NRXN1: variants seen among roughly 807,000 people sequenced by gnomAD.
NRXN1 encodes neurexin 1, also known as neurexin-1.
A neutral mutation model predicts 150.9 loss-of-function variants in NRXN1; 39 were observed. That is an observed-to-expected ratio of 0.26 (90% confidence interval 0.20 to 0.34). The LOEUF (loss-of-function observed/expected upper bound fraction) is 0.34. NRXN1 is among the 10% of genes least tolerant of loss of function. The pLI, the probability that NRXN1 is intolerant of heterozygous loss-of-function variation, is 1.00. For synonymous variants in NRXN1, 924 were observed against 757.0 expected, an observed-to-expected ratio of 1.22 and a Z score of -3.62; for missense variants, 1,815 against 1,949.9, an observed-to-expected ratio of 0.93 and a Z score of 1.30.
intron 18 of NRXN1, among the ~76,000 whole-genome samples, chr2:50,195,742 C>A (rs1184595740): frequency 1.3e-5 from 2 of 152,054 alleles, no homozygotes; most frequent in Non-Finnish European, 1.5e-5. Flanking sequence ...TGAGGAAACA[C>A]ACAAATACTA....
intron 8 of NRXN1, among the ~76,000 whole-genome samples, chr2:50,602,562 A>T (rs2103961127): frequency 6.6e-6 from 1 of 152,188 alleles, no homozygotes; most frequent in African/African-American, 2.4e-5. Flanking sequence ...TCCATCAAGA[A>T]AGATGATTAT....
intron 17 of NRXN1, among the ~76,000 whole-genome samples, chr2:50,430,666 A>C (rs759828895): frequency 6.6e-6 from 1 of 152,190 alleles, no homozygotes; most frequent in African/African-American, 2.4e-5. Context: ...GTCTTTCTCT[A>C]TAGGCTTGTG....
At chr2:50,969,466 T>C (rs1252600746) in intron 2 of NRXN1, among the ~76,000 whole-genome samples, 1 of 152,128 alleles carries the variant, frequency 6.6e-6, no homozygotes, top group Non-Finnish European at 1.5e-5. Flanking sequence ...ACCTACACTA[T>C]TATTTTATGA....
chr2:50,922,800 T>G (rs557779143), intron 3 of NRXN1, 113 bp from the exon 4 acceptor site: 2 of 1,049,748 alleles, frequency 1.9e-6, no homozygotes, highest in East Asian at 5.2e-5. Flanking sequence ...ATGAGACATG[T>G]CTGTATCACA....
At chr2:50,260,629 G>GTTT (rs10601394) in intron 17 of NRXN1, among the ~76,000 whole-genome samples, 29 of 113,074 alleles carry the variant, frequency 2.6e-4, no homozygotes, top group African/African-American at 8.3e-4. Context: ...TTTTTTTTCC[G>GTTT]TTTTTTTTTT....
At chr2:50,239,396 C>T (rs1321173740) in intron 17 of NRXN1, among the ~76,000 whole-genome samples, 2 of 150,646 alleles carry the variant, frequency 1.3e-5, no homozygotes, top group Admixed American at 6.7e-5. Flanking sequence ...TATAAAACAA[C>T]ACATATCTAA....
intron 18 of NRXN1, among the ~76,000 whole-genome samples, chr2:50,097,208 G>C (rs984773713): frequency 6.6e-6 from 1 of 152,164 alleles, no homozygotes; most frequent in African/African-American, 2.4e-5. Flanking sequence ...TATACTCCTA[G>C]AGAGAAGGAC....
At position 49,918,758 on chromosome 2, in the gene NRXN1, T is replaced by G. The variant is rs979589555; in HGVS notation, c.*3186A>C. The G allele has an allele frequency of 7.2e-5, 11 of 152,294 alleles. No individual in the cohort carries two copies. The highest frequency in any genetic ancestry group is 3.9e-4 in the Admixed American group (6 of 15,294). The allele number at this position is 152,294 out of a possible 1,614,324, so 9.4% of individuals were successfully genotyped here. A position where few individuals can be genotyped will look rare whatever the true frequency, so the allele number is the denominator to read the frequency against. ...GAAAAAAGAGAGTCAACATTCTTCC[T>G]CTATAATATAAGGATGGGTCTTCCC... On this transcript the variant is annotated 3_prime_UTR_variant, in exon 23 of 23. Transcript: ENST00000401669.
At chr2:50,201,694 G>A (rs1338193129) in intron 18 of NRXN1, among the ~76,000 whole-genome samples, 1 of 152,124 alleles carries the variant, frequency 6.6e-6, no homozygotes, top group Non-Finnish European at 1.5e-5. Flanking sequence ...CCATACACAC[G>A]CATTATCCTC....
chr2:50,390,712 G>A (rs1449944736), intron 17 of NRXN1, among the ~76,000 whole-genome samples: 1 of 151,980 alleles, frequency 6.6e-6, no homozygotes, highest in African/African-American at 2.4e-5. Context: ...AAGAAAGTTT[G>A]GCCCCCTCTT....
At chr2:50,707,887 T>C (rs1694657339) in intron 5 of NRXN1, among the ~76,000 whole-genome samples, 2 of 152,206 alleles carry the variant, frequency 1.3e-5, no homozygotes, top group Non-Finnish European at 2.9e-5. Context: ...TGTTTACATT[T>C]AAATCTCAAT....
intron 21 of NRXN1, among the ~76,000 whole-genome samples, chr2:50,010,040 C>T (rs901859059): frequency 6.6e-6 from 1 of 151,730 alleles, no homozygotes; most frequent in African/African-American, 2.4e-5. Flanking sequence ...ACATAGCAGA[C>T]GATACAACTA....
intron 5 of NRXN1, among the ~76,000 whole-genome samples, chr2:50,666,956 C>G (rs767834216): frequency 6.6e-6 from 1 of 151,534 alleles, no homozygotes; most frequent in Non-Finnish European, 1.5e-5. Flanking sequence ...AGAGAACACA[C>G]GCATGGCGTG....
intron 2 of NRXN1, among the ~76,000 whole-genome samples, chr2:50,955,358 A>G (rs907799572): frequency 6.6e-6 from 1 of 152,232 alleles, no homozygotes; most frequent in African/African-American, 2.4e-5. Context: ...GAGTAATTAC[A>G]GAGGAGTGAG....
chr2:50,116,354 A>T (rs542958190), intron 18 of NRXN1, among the ~76,000 whole-genome samples: 2 of 152,238 alleles, frequency 1.3e-5, no homozygotes, highest in African/African-American at 4.8e-5. Context: ...TTGAGTCAGC[A>T]GTAAGAAACA....
At chr2:50,512,828 T>C (rs1285404298) in intron 12 of NRXN1, among the ~76,000 whole-genome samples, 2 of 152,184 alleles carry the variant, frequency 1.3e-5, no homozygotes, top group Non-Finnish European at 2.9e-5. Context: ...GATAGCAGAA[T>C]CAGTACAATT....
intron 21 of NRXN1, among the ~76,000 whole-genome samples, chr2:49,990,467 T>A (rs1681735732): frequency 6.6e-6 from 1 of 152,150 alleles, no homozygotes; most frequent in Admixed American, 6.6e-5. Flanking sequence ...AATAATGACA[T>A]AATTTTATTT....
intron 2 of NRXN1, among the ~76,000 whole-genome samples, chr2:50,950,949 A>G (rs1691230325): frequency 6.6e-6 from 1 of 152,304 alleles, no homozygotes; most frequent in African/African-American, 2.4e-5. Flanking sequence ...GGCTGTTTGG[A>G]AAGCTAATAT....
intron 5 of NRXN1, among the ~76,000 whole-genome samples, chr2:50,796,903 C>T (rs1706913256): frequency 1.3e-5 from 2 of 152,104 alleles, no homozygotes; most frequent in South Asian, 4.1e-4. Flanking sequence ...ATCAAGGCAC[C>T]AGCAAAGTTT....
Sources: gnomAD v4.1 joint callset for allele counts (sites outside exome capture counted in the v4.1 genomes callset) on GRCh38, gnomAD v4.1.1 for gene constraint, MANE v1.5 for transcripts, NCBI Gene and HGNC (gene_info 2026-07-23, HGNC 2026-07-21) for gene names.